Variants in CTCF observed in about 807,000 individuals in gnomAD.
CTCF encodes the protein transcriptional repressor CTCF.
In CTCF, 7 loss-of-function variants were observed where a neutral mutation model predicts 72.3. That is an observed-to-expected ratio of 0.10 (90% CI 0.06 to 0.18). CTCF has a LOEUF of 0.18. CTCF is among the 10% of genes least tolerant of loss of function. CTCF has a pLI of 1.00. For missense variants in CTCF, 516 were observed against 949.1 expected (o/e 0.54, Z 6.00); for synonymous variants, 374 against 315.8 (o/e 1.18, Z -1.95).
intron 10 of CTCF, 25 bp from the exon 11 acceptor site, chr16:67,636,665 C>G (rs1567619922): frequency 3.8e-6 from 6 of 1,568,512 alleles, no homozygotes; most frequent in Non-Finnish European, 5.2e-6. Flanking sequence ...GCCCCACCAC[C>G]TGTGCTTCCT....
At chr16:67,564,291 G>T (rs1411177058) in intron 1 of CTCF, among the ~76,000 whole-genome samples, 1 of 152,348 alleles carries the variant, frequency 6.6e-6, no homozygotes, top group East Asian at 1.9e-4. Flanking sequence ...TAATGTATCA[G>T]TTCGGGTTGT....
intron 10 of CTCF, 33 bp downstream of exon 10, chr16:67,629,566 G>T (rs2052335083): frequency 6.2e-7 from 1 of 1,607,158 alleles, no homozygotes; most frequent in Non-Finnish European, 8.5e-7. Flanking sequence ...TGCTTACTAT[G>T]GCAGGCTTTG....
At chr16:67,627,464 C>T (rs1421247700) in intron 8 of CTCF, 1 of 152,112 alleles carries the variant, frequency 6.6e-6, no homozygotes, top group Non-Finnish European at 1.5e-5. Context: ...GCGCTCCAGC[C>T]TGGGTGGCAG....
At chr16:67,579,110 C>T (rs961601449) in intron 2 of CTCF, among the ~76,000 whole-genome samples, 1 of 151,302 alleles carries the variant, frequency 6.6e-6, no homozygotes, top group Non-Finnish European at 1.5e-5. Context: ...CAAAAATTAG[C>T]GGAGTGTGGT....
chr16:67,610,150 T>C (rs1042346019), intron 2 of CTCF, among the ~76,000 whole-genome samples: 9 of 152,164 alleles, frequency 5.9e-5, no homozygotes, highest in Non-Finnish European at 1.0e-4. Flanking sequence ...CTTCTTGTTA[T>C]CTATTTGCAG....
chr16:67,589,738 C>T (rs1392029998), intron 2 of CTCF, among the ~76,000 whole-genome samples: 1 of 152,138 alleles, frequency 6.6e-6, no homozygotes, highest in Non-Finnish European at 1.5e-5. Flanking sequence ...CTCTCCCTTC[C>T]CTGCCTCCAG....
intron 2 of CTCF, among the ~76,000 whole-genome samples, chr16:67,601,697 T>C (rs1456734314): frequency 1.3e-5 from 2 of 152,062 alleles, no homozygotes; most frequent in Non-Finnish European, 2.9e-5. Flanking sequence ...TGCTGTTGTT[T>C]TGTGGACTTT....
At chr16:67,608,941 A>G (rs892105462) in intron 2 of CTCF, among the ~76,000 whole-genome samples, 1 of 152,034 alleles carries the variant, frequency 6.6e-6, no homozygotes, top group Non-Finnish European at 1.5e-5. Flanking sequence ...GGGTTTCTCC[A>G]TGTTGTTCAG....
chr16:67,618,673 G>A (rs2052163904), intron 5 of CTCF, among the ~76,000 whole-genome samples: 1 of 152,172 alleles, frequency 6.6e-6, no homozygotes, highest in African/African-American at 2.4e-5. Flanking sequence ...AGCAATAAGA[G>A]TTCAGTTCAC....
chr16:67,629,746 CTTTTTTTTTTTTTTTTTTT>C lies in CTCF; in HGVS notation c.1837+241_1837+259del, dbSNP rs71145978. ...TCGTGGCATTCCGCTCATTAATGCC[CTTTTTTTTTTTTTTTTTTT>C]TTTTTTTTTTTTTTTTTTTTTTTTT... is the stretch of plus-strand genomic sequence containing the variant. On this transcript the variant is annotated intron_variant, in intron 10 of 11. Coordinates refer to ENST00000264010, the MANE Select transcript of CTCF (RefSeq NM_006565.4). 2.2e-3 allele frequency among the ~76,000 whole-genome samples: 137 copies of C among 63,302 alleles called. 3 individuals carry two copies. Among genetic ancestry groups the C allele is most frequent in the Non-Finnish European group, 2.6e-3 (89 of 34,074 alleles). 41.5% of individuals were successfully genotyped at this position (63,302 alleles called of 152,430 possible).
At chr16:67,564,604 T>G (rs2051319166) in intron 1 of CTCF, among the ~76,000 whole-genome samples, 1 of 152,240 alleles carries the variant, frequency 6.6e-6, no homozygotes, top group Non-Finnish European at 1.5e-5. Context: ...AATATGTTAG[T>G]CCAATTGTGT....
chr16:67,581,193 G>T (rs1459428341), intron 2 of CTCF, among the ~76,000 whole-genome samples: 1 of 152,118 alleles, frequency 6.6e-6, no homozygotes, highest in Non-Finnish European at 1.5e-5. Flanking sequence ...CTCCCAGAGT[G>T]CTGGGATTAC....
At chr16:67,628,655 A>C in intron 9 of CTCF, 103 bp downstream of exon 9, 12 of 1,159,466 alleles carry the variant, frequency 1.0e-5, no homozygotes, top group Non-Finnish European at 1.5e-5. Context: ...TTATAAACAG[A>C]GATGCTCCAT....
In CTCF at chr16:67,573,299, C is replaced by T. The variant is rs1015647737; in HGVS notation, c.-10+2035C>T. On this transcript the variant is annotated intron_variant, in intron 2 of 11. Coordinates refer to ENST00000264010, the MANE Select transcript of CTCF (RefSeq NM_006565.4). ...AGACAATTAGCTGGGTGTGGTGGTGCGTGCCTGTAATCCCAACTACTCGGG... is the reference window on the plus strand; with the variant it reads ...AGACAATTAGCTGGGTGTGGTGGTGTGTGCCTGTAATCCCAACTACTCGGG... Among the ~76,000 whole-genome samples, 6 of 148,634 alleles carry T rather than the reference C, an allele frequency of 4.0e-5. No homozygotes were observed. The East Asian group carries it at 1.0e-3, about 25-fold the overall frequency.
At chr16:67,586,267 T>G (rs2051667383) in intron 2 of CTCF, among the ~76,000 whole-genome samples, 1 of 152,106 alleles carries the variant, frequency 6.6e-6, no homozygotes, top group Admixed American at 6.6e-5. Flanking sequence ...CCAGGCGTGG[T>G]GGCTCACACC....
At chr16:67,583,003 C>T (rs1467221571) in intron 2 of CTCF, among the ~76,000 whole-genome samples, 11 of 136,082 alleles carry the variant, frequency 8.1e-5, no homozygotes, top group Non-Finnish European at 1.4e-4. Context: ...TTTTTTGAGA[C>T]GGAGTTTTGC....
intron 1 of CTCF, among the ~76,000 whole-genome samples, chr16:67,565,482 G>T (rs1297605289): frequency 6.6e-6 from 1 of 151,818 alleles, no homozygotes; most frequent in Non-Finnish European, 1.5e-5. Flanking sequence ...AGACCATCCT[G>T]ACTAACACAG....
chr16:67,626,382 A>G (rs1280641060), intron 7 of CTCF, 173 bp from the exon 8 acceptor site: 4 of 377,324 alleles, frequency 1.1e-5, no homozygotes, highest in Admixed American at 9.3e-5. Flanking sequence ...GAACCTGGGA[A>G]GTGGAGCTTG....
intron 2 of CTCF, among the ~76,000 whole-genome samples, chr16:67,607,615 G>T (rs145010255): frequency 1.4e-3 from 214 of 152,048 alleles, no homozygotes; most frequent in African/African-American, 4.8e-3. Flanking sequence ...CCATTCACAA[G>T]ATATAAGAGC....
Sources: allele counts gnomAD v4.1 joint callset (sites outside exome capture counted in the v4.1 genomes callset), GRCh38; gene constraint gnomAD v4.1.1; transcripts MANE v1.5; gene names NCBI Gene and HGNC (gene_info 2026-07-23, HGNC 2026-07-21).